The following SNTG1 variants were observed in gnomAD, a reference collection of about 807,000 sequenced individuals.
SNTG1 encodes syntrophin gamma 1.
SNTG1 carries 39 observed loss-of-function variants against 74.7 expected under a neutral mutation model. The observed-to-expected ratio is 0.52, with a 90% CI of 0.40 to 0.68. The LOEUF (loss-of-function observed/expected upper bound fraction) is 0.68, where lower values mean the gene tolerates loss of function less well. Among genes scored for constraint, SNTG1 ranks in the 30% least tolerant of loss-of-function variants. The pLI is 0.00. For synonymous variants in SNTG1, 254 were observed against 217.1 expected (o/e 1.17, Z -1.49); for missense variants, 685 against 609.5 (o/e 1.12, Z -1.30).
chr8:50,468,749 G>C (rs2093628766), intron 8 of SNTG1, among the ~76,000 whole-genome samples: 1 of 152,076 alleles, frequency 6.6e-6, no homozygotes. Context: ...TTAAGCATTT[G>C]AGTAAGCCCA....
intron 1 of SNTG1, among the ~76,000 whole-genome samples, chr8:49,952,776 A>G (rs1809835572): frequency 6.6e-6 from 1 of 152,222 alleles, no homozygotes; most frequent in African/African-American, 2.4e-5. Context: ...CCAGAGTTAA[A>G]TATATAGGAC....
chr8:50,360,124 C>T (rs569664149), intron 2 of SNTG1, among the ~76,000 whole-genome samples: 45 of 151,992 alleles, frequency 3.0e-4, no homozygotes, highest in Non-Finnish European at 5.6e-4. Flanking sequence ...CAGACCCACA[C>T]GAGATCAGAT....
intron 1 of SNTG1, among the ~76,000 whole-genome samples, chr8:50,029,015 T>C (rs887319595): frequency 6.6e-6 from 1 of 152,142 alleles, no homozygotes; most frequent in Non-Finnish European, 1.5e-5. Context: ...TTATGTGTTG[T>C]AGGTACAAAC....
intron 1 of SNTG1, among the ~76,000 whole-genome samples, chr8:49,992,552 T>C (rs1813792395): frequency 6.6e-6 from 1 of 152,186 alleles, no homozygotes; most frequent in African/African-American, 2.4e-5. Flanking sequence ...CTTAAGTGCA[T>C]ACAGGGAGCC....
chr8:50,507,343 A>C (rs57078131), intron 9 of SNTG1, among the ~76,000 whole-genome samples: 20,328 of 152,034 alleles, frequency 0.13, 2,300 homozygotes, highest in African/African-American at 0.31. Context: ...GTTCACTTCA[A>C]GCTGGAAACT....
chr8:50,268,126 G>A (rs1272587911), intron 2 of SNTG1, among the ~76,000 whole-genome samples: 1 of 151,934 alleles, frequency 6.6e-6, no homozygotes, highest in South Asian at 2.1e-4. Flanking sequence ...ATAAACATGA[G>A]GAAACAAAAA....
intron 2 of SNTG1, among the ~76,000 whole-genome samples, chr8:50,385,073 A>C (rs1319565503): frequency 6.6e-6 from 1 of 152,150 alleles, no homozygotes; most frequent in African/African-American, 2.4e-5. Flanking sequence ...CCTGTGATTC[A>C]CCTACAGGGA....
chr8:50,218,928 G>A (rs1051781918), intron 2 of SNTG1, among the ~76,000 whole-genome samples: 1 of 152,208 alleles, frequency 6.6e-6, no homozygotes, highest in Admixed American at 6.5e-5. Context: ...ATCCTCCATA[G>A]CCCAAGTATC....
intron 17 of SNTG1, among the ~76,000 whole-genome samples, chr8:50,751,095 T>A (rs2095566248): frequency 6.6e-6 from 1 of 152,042 alleles, no homozygotes; most frequent in Non-Finnish European, 1.5e-5. Flanking sequence ...AGAAATCATT[T>A]AAAAAATATT....
At chr8:50,462,041 C>G (rs551811190) in intron 8 of SNTG1, among the ~76,000 whole-genome samples, 1 of 152,192 alleles carries the variant, frequency 6.6e-6, no homozygotes, top group Admixed American at 6.5e-5. Flanking sequence ...ATATTCGGTA[C>G]AGTGTACTCT....
In SNTG1 at chr8:50,416,421, T is replaced by C. The variant is rs547548091; in HGVS notation, c.162+14077T>C. Among the ~76,000 whole-genome samples the C allele has an allele frequency of 7.4e-4, 112 of 152,238 alleles. No homozygotes were observed. The Middle Eastern group carries it at 0.02, about 28-fold the overall frequency. On this transcript the variant is annotated intron_variant, in intron 4 of 18. Transcript: ENST00000642720. ...TATGTCAAATGTGTAGTACAAAAAG[T>C]GAGAATCTGAGTGAGAATTTAAGGC...
chr8:50,603,188 T>C (rs187011518), intron 13 of SNTG1, among the ~76,000 whole-genome samples: 245 of 152,350 alleles, frequency 1.6e-3, no homozygotes, highest in Non-Finnish European at 2.9e-3. Context: ...ATCTTGTGAA[T>C]GTGCTTGATT....
At chr8:50,112,508 G>GTTCT (rs2080633241) in intron 1 of SNTG1, among the ~76,000 whole-genome samples, 2 of 108,688 alleles carry the variant, frequency 1.8e-5, no homozygotes, top group South Asian at 3.3e-4. Flanking sequence ...CAAGTATTTA[G>GTTCT]TTCTTTCTTT....
At chr8:50,163,054 A>G (rs2082479753) in intron 1 of SNTG1, among the ~76,000 whole-genome samples, 1 of 152,170 alleles carries the variant, frequency 6.6e-6, no homozygotes. Flanking sequence ...TAGAGTTGCT[A>G]ACTACCTGCT....
chr8:50,278,533 A>G (rs1160789262), intron 2 of SNTG1, among the ~76,000 whole-genome samples: 2 of 152,172 alleles, frequency 1.3e-5, no homozygotes, highest in Non-Finnish European at 2.9e-5. Context: ...AACTTTGCAT[A>G]TGGATTCATA....
Position 50,361,024 on chromosome 8 carries a change from C to A in SNTG1, c.-27-33188C>A, listed in dbSNP as rs534679912. On this transcript the variant is annotated intron_variant, in intron 2 of 18. Transcript: ENST00000642720. ...TTTAATGATTTGCTGTTTTTTAACT[C>A]TTTTGTAATAGCTTTTAGCTTAAAA... 6.6e-5 allele frequency among the ~76,000 whole-genome samples: 10 copies of A among 152,254 alleles called. No homozygotes were observed. In the South Asian group the frequency reaches 2.1e-3, roughly 32 times the overall value.
intron 1 of SNTG1, among the ~76,000 whole-genome samples, chr8:49,987,214 T>A (rs1408842990): frequency 1.3e-5 from 2 of 152,076 alleles, no homozygotes; most frequent in Non-Finnish European, 2.9e-5. Flanking sequence ...ACAATATATA[T>A]AAGAGTGTCA....
chr8:50,313,807 T>C (rs1257584752), intron 2 of SNTG1, among the ~76,000 whole-genome samples: 1 of 149,892 alleles, frequency 6.7e-6, no homozygotes, highest in African/African-American at 2.5e-5. Context: ...AATATCTTCT[T>C]TTACCTCCCT....
intron 8 of SNTG1, among the ~76,000 whole-genome samples, chr8:50,471,052 A>G (rs1156687367): frequency 1.3e-5 from 2 of 152,070 alleles, no homozygotes; most frequent in Admixed American, 6.6e-5. Flanking sequence ...TGATGCATTT[A>G]CAAACTTTAG....
Sources: allele counts gnomAD v4.1 joint callset (sites outside exome capture counted in the v4.1 genomes callset), GRCh38; gene constraint gnomAD v4.1.1; transcripts MANE v1.5; gene names NCBI Gene and HGNC (gene_info 2026-07-23, HGNC 2026-07-21).